FGF2: variants seen among roughly 807,000 people sequenced by gnomAD.
FGF2 encodes the protein basic fibroblast growth factor bFGF.
A neutral mutation model predicts 15.9 loss-of-function variants in FGF2; 13 were observed. The observed-to-expected ratio is 0.82, with a 90% confidence interval of 0.53 to 1.30. FGF2 has a LOEUF of 1.30. Ranked by LOEUF, FGF2 falls within the 50% of genes most tolerant of loss-of-function variation. The pLI, the probability that FGF2 is intolerant of heterozygous loss-of-function variation, is 0.00. For missense variants in FGF2, 163 were observed against 196.9 expected, an observed-to-expected ratio of 0.83 and a Z score of 1.03; for synonymous variants, 90 against 78.4, an observed-to-expected ratio of 1.15 and a Z score of -0.78.
At chr4:122,828,863 A>G (rs371506827) in intron 1 of FGF2, among the ~76,000 whole-genome samples, 1 of 152,264 alleles carries the variant, frequency 6.6e-6, no homozygotes, top group East Asian at 1.9e-4. Context: ...TATCTTTGTG[A>G]TTGAAGTTTG....
intron 1 of FGF2, among the ~76,000 whole-genome samples, chr4:122,871,626 G>A (rs1286484304): frequency 1.3e-5 from 2 of 152,112 alleles, no homozygotes; most frequent in African/African-American, 4.8e-5. Flanking sequence ...CTCGAGGTCA[G>A]AGGACACAGA....
chr4:122,843,831 A>G (rs1432096282), intron 1 of FGF2, among the ~76,000 whole-genome samples: 1 of 152,218 alleles, frequency 6.6e-6, no homozygotes, highest in African/African-American at 2.4e-5. Flanking sequence ...TCGTGAAAAG[A>G]TACTGTATTT....
At chr4:122,881,273 G>C (rs1246234700) in intron 2 of FGF2, among the ~76,000 whole-genome samples, 1 of 152,068 alleles carries the variant, frequency 6.6e-6, no homozygotes, top group Non-Finnish European at 1.5e-5. Context: ...TTAACATCTG[G>C]CTCCCCATTA....
intron 2 of FGF2, among the ~76,000 whole-genome samples, chr4:122,880,494 C>A (rs576447208): frequency 6.6e-6 from 1 of 152,086 alleles, no homozygotes; most frequent in African/African-American, 2.4e-5. Flanking sequence ...GTGATCTTCC[C>A]CCCTTGGCCT....
chr4:122,876,696 A>G (rs776689054), intron 2 of FGF2, among the ~76,000 whole-genome samples: 3 of 152,204 alleles, frequency 2.0e-5, no homozygotes, highest in Non-Finnish European at 4.4e-5. Flanking sequence ...TTACTCTGCA[A>G]AACTATTAAG....
chr4:122,835,057 A>G (rs1393990014), intron 1 of FGF2, among the ~76,000 whole-genome samples: 1 of 152,046 alleles, frequency 6.6e-6, no homozygotes, highest in Non-Finnish European at 1.5e-5. Context: ...TTGACCCCCT[A>G]TTATTTCATC....
At chr4:122,830,664 T>G (rs1725744851) in intron 1 of FGF2, among the ~76,000 whole-genome samples, 1 of 152,082 alleles carries the variant, frequency 6.6e-6, no homozygotes, top group South Asian at 2.1e-4. Flanking sequence ...ATATTAAGTA[T>G]GTACTCTAAA....
intron 2 of FGF2, among the ~76,000 whole-genome samples, chr4:122,888,055 C>T (rs564754941): frequency 3.9e-5 from 6 of 152,300 alleles, no homozygotes; most frequent in African/African-American, 1.4e-4. Flanking sequence ...TGATATTCCT[C>T]TCAAACTCAA....
chr4:122,846,676 C>T lies in FGF2; in HGVS notation c.178+19324C>T, dbSNP rs560011096. On this transcript the variant is annotated intron_variant, in intron 1 of 2. Transcript: ENST00000644866. Reference sequence around the variant, plus strand: ...GAGAAAGGAATGGGATTAAAAGAGACGAGATCAAGGGGAATGGTCACTTCT... The same window carrying T: ...GAGAAAGGAATGGGATTAAAAGAGATGAGATCAAGGGGAATGGTCACTTCT... Among the ~76,000 whole-genome samples the T allele has an allele frequency of 1.8e-3, 277 of 152,100 alleles. 2 individuals carry two copies. Among genetic ancestry groups the T allele is most frequent in the Non-Finnish European group, 3.1e-3 (214 of 68,030 alleles).
In FGF2 at chr4:122,827,104, G is replaced by A; in HGVS notation, c.-71G>A. On this transcript the variant is annotated 5_prime_UTR_variant, in exon 1 of 3. Coordinates refer to ENST00000644866, the MANE Select transcript of FGF2 (RefSeq NM_001361665.2). This position sits in a 1 kb window ranked among gnomAD's most constrained non-coding sequence, Gnocchi z 4.2. ...CCGGAGCGGGTCGGAGGCCGGGGCC[G>A]GGGCCGGGGGACGGCGGCTCCCCGC... 2 of 1,233,156 alleles carry A rather than the reference G, an allele frequency of 1.6e-6. No individual in the cohort carries two copies. The highest frequency in any genetic ancestry group is 2.0e-6 in the Non-Finnish European group (2 of 989,348). The allele number at this position is 1,233,156 out of a possible 1,614,324, so 76.4% of individuals were successfully genotyped here.
intron 1 of FGF2, among the ~76,000 whole-genome samples, chr4:122,850,395 A>T (rs1044487704): frequency 6.6e-6 from 1 of 152,224 alleles, no homozygotes; most frequent in African/African-American, 2.4e-5. Flanking sequence ...AGAGATTTCG[A>T]TTCAGAGCAT....
chr4:122,866,377 A>AT (rs1252115705), intron 1 of FGF2, among the ~76,000 whole-genome samples: 1 of 146,142 alleles, frequency 6.8e-6, no homozygotes, highest in Non-Finnish European at 1.5e-5. Flanking sequence ...CAAAAAAAAA[A>AT]AAAATAAATA....
chr4:122,852,505 C>G (rs1726255360), intron 1 of FGF2, among the ~76,000 whole-genome samples: 2 of 152,178 alleles, frequency 1.3e-5, no homozygotes, highest in African/African-American at 2.4e-5. Flanking sequence ...TTGGGAAGAG[C>G]TACAGAAGAT....
At chr4:122,834,274 C>T (rs28524008) in intron 1 of FGF2, among the ~76,000 whole-genome samples, 6,794 of 152,294 alleles carry the variant, frequency 0.045, 202 homozygotes, top group Non-Finnish European at 0.054. Flanking sequence ...TCTCCAGGGA[C>T]CCCTTTATAC....
Position 122,892,590 on chromosome 4 carries a change from C to A in FGF2, c.*194C>A, listed in dbSNP as rs1727216937. ...TAACAAAAGTTGTAAAATGTATATT[C>A]TCCCTTTTATATTGCATCTGCTGTT... On this transcript the variant is annotated 3_prime_UTR_variant, in exon 3 of 3. Coordinates refer to ENST00000644866, the MANE Select transcript of FGF2 (RefSeq NM_001361665.2). The A allele has an allele frequency of 4.9e-6, 7 of 1,441,092 alleles. No individual in the cohort carries two copies. Among genetic ancestry groups the A allele is most frequent in the Non-Finnish European group, 6.3e-6 (7 of 1,102,372 alleles). The allele number at this position is 1,441,092 out of a possible 1,614,324, so 89.3% of individuals were successfully genotyped here.
intron 1 of FGF2, among the ~76,000 whole-genome samples, chr4:122,865,360 G>T (rs1011754128): frequency 6.6e-6 from 1 of 151,984 alleles, no homozygotes; most frequent in Non-Finnish European, 1.5e-5. Context: ...GTGCTATCTC[G>T]GCTGACTGCA....
chr4:122,891,796 T>C (rs967149795), intron 2 of FGF2, among the ~76,000 whole-genome samples: 6 of 152,224 alleles, frequency 3.9e-5, no homozygotes, highest in Non-Finnish European at 7.3e-5. Context: ...AAATGATCCC[T>C]GATTGGTAAC....
intron 1 of FGF2, among the ~76,000 whole-genome samples, chr4:122,859,107 C>A (rs767175636): frequency 8.5e-5 from 13 of 152,076 alleles, no homozygotes; most frequent in Non-Finnish European, 1.5e-4. Flanking sequence ...TATCTTAGTA[C>A]CCTAAATTGA....
chr4:122,879,670 C>T (rs1043204932), intron 2 of FGF2, among the ~76,000 whole-genome samples: 2 of 152,168 alleles, frequency 1.3e-5, no homozygotes, highest in Admixed American at 1.3e-4. Flanking sequence ...ATTGGACTTA[C>T]AGTTCCACAT....
Sources: allele counts gnomAD v4.1 joint callset (sites outside exome capture counted in the v4.1 genomes callset), GRCh38; gene constraint gnomAD v4.1.1; non-coding constraint Gnocchi (gnomAD v3.1); transcripts MANE v1.5; gene names NCBI Gene and HGNC (gene_info 2026-07-23, HGNC 2026-07-21).